Variants in ARPC1B observed in about 807,000 individuals in gnomAD.
ARPC1B encodes the protein actin related protein 2/3 complex subunit 1B.
A neutral mutation model predicts 46.0 loss-of-function variants in ARPC1B; 29 were observed. The ratio of observed to expected loss-of-function variants is 0.63; its 90% confidence interval spans 0.47 to 0.86. The LOEUF (loss-of-function observed/expected upper bound fraction) is 0.86, where lower values mean the gene tolerates loss of function less well. Ranked by LOEUF, ARPC1B falls within the 40% of genes least tolerant of loss-of-function variation. The pLI, the probability that ARPC1B is intolerant of heterozygous loss-of-function variation, is 0.00. For synonymous variants in ARPC1B, 201 were observed against 213.9 expected, an observed-to-expected ratio of 0.94 and a Z score of 0.53; for missense variants, 469 against 529.4, an observed-to-expected ratio of 0.89 and a Z score of 1.12.
chr7:99,375,040 T>C (rs1285305265), intron 1 of ARPC1B, among the ~76,000 whole-genome samples: 1 of 70,782 alleles, frequency 1.4e-5, no homozygotes, highest in Admixed American at 1.7e-4. Flanking sequence ...GAGGGAGCCC[T>C]GGGATTGGAG....
At chr7:99,381,833 CCA>C (rs1381801940) in intron 1 of ARPC1B, among the ~76,000 whole-genome samples, 1 of 152,208 alleles carries the variant, frequency 6.6e-6, no homozygotes, top group African/African-American at 2.4e-5. Context: ...GTGCCTGGGC[CCA>C]GATGCAGTGC....
chr7:99,391,385 G>A, intron 7 of ARPC1B, 132 bp downstream of exon 7: 1 of 960,848 alleles, frequency 1.0e-6, no homozygotes, highest in East Asian at 2.6e-5. Flanking sequence ...TCATGTACCA[G>A]AATTGGGCAG....
At position 99,394,396 on chromosome 7, in the gene ARPC1B, G is replaced by A. The variant is rs888292462; in HGVS notation, c.1081-55G>A. On this transcript the variant is annotated intron_variant, in intron 9 of 9. Transcript: ENST00000646101. Reference sequence around the variant, plus strand: ...GAGATGGGTGATCAGGTCCCTGGGAGTGGGGTGCCTGCAGGACAGCTGAGA... The same window carrying A: ...GAGATGGGTGATCAGGTCCCTGGGAATGGGGTGCCTGCAGGACAGCTGAGA... The A allele has an allele frequency of 6.2e-6, 9 of 1,461,092 alleles. No homozygotes were observed. In the South Asian group the frequency reaches 1.0e-4, roughly 17 times the overall value. The allele number at this position is 1,461,092 out of a possible 1,614,324, so 90.5% of individuals were successfully genotyped here.
At chr7:99,374,535 G>A (rs1793976362), upstream of ARPC1B, 1 of 152,182 alleles carries the variant, frequency 6.6e-6, no homozygotes, top group African/African-American at 2.4e-5. This position sits in a 1 kb window ranked among gnomAD's most constrained non-coding sequence, Gnocchi z 5.0. Context: ...GGTGGTTGCG[G>A]ACGGCTTCTG....
intron 4 of ARPC1B, 124 bp from the exon 5 acceptor site, chr7:99,389,781 C>A (rs905758679): frequency 1.2e-6 from 1 of 812,534 alleles, no homozygotes; most frequent in African/African-American, 1.7e-5. Context: ...AATGCCCAGT[C>A]GCCTCTCTCC....
chr7:99,374,983 G>A lies in ARPC1B; in HGVS notation c.-14+202G>A, dbSNP rs1793989735. On this transcript the variant is annotated intron_variant, in intron 1 of 9. Coordinates refer to ENST00000646101, the MANE Select transcript of ARPC1B (RefSeq NM_005720.4). This position sits in a 1 kb window ranked among gnomAD's most constrained non-coding sequence, Gnocchi z 5.0. Reference sequence around the variant, plus strand: ...AATAGGGGCACGGGGATGAGTGGGGGCACATGGAGAGGAGGGGGCGCGGGG... The same window carrying A: ...AATAGGGGCACGGGGATGAGTGGGGACACATGGAGAGGAGGGGGCGCGGGG... Among the ~76,000 whole-genome samples, 1 of 140,836 alleles carries A rather than the reference G, an allele frequency of 7.1e-6. No individual in the cohort carries two copies. Among genetic ancestry groups the A allele is most frequent in the Non-Finnish European group, 1.6e-5 (1 of 64,310 alleles). The allele number at this position is 140,836 out of a possible 152,430, so 92.4% of individuals were successfully genotyped here. A position where few individuals can be genotyped will look rare whatever the true frequency, so the allele number is the denominator to read the frequency against.
chr7:99,378,029 CTG>C (rs765993712), intron 1 of ARPC1B, among the ~76,000 whole-genome samples: 2 of 152,048 alleles, frequency 1.3e-5, no homozygotes, highest in Admixed American at 6.6e-5. Flanking sequence ...TTTTTCCACA[CTG>C]TCACCATTAT....
Position 99,392,835 on chromosome 7 carries a change from T to TGCGGGC in ARPC1B, c.955_960dup (p.Ala319_Gly320dup). The TGCGGGC allele has an allele frequency of 6.5e-7, 1 of 1,550,002 alleles. No individual in the cohort carries two copies. The highest frequency in any genetic ancestry group is 1.2e-5 in the South Asian group (1 of 84,070). ...AGGCGAGCTCCGAGGGTGGCACGGCTGCGGGCGCGGGCCTAGACTCGCTGC... is the reference window on the plus strand; with the variant it reads ...AGGCGAGCTCCGAGGGTGGCACGGCTGCGGGCGCGGGCGCGGGCCTAGACTCGCTGC... On this transcript the variant is annotated inframe_insertion, in exon 8 of 10. Transcript: ENST00000646101.
intron 8 of ARPC1B, 123 bp from the exon 9 acceptor site, chr7:99,393,906 C>G: frequency 2.2e-6 from 2 of 924,136 alleles, no homozygotes; most frequent in Non-Finnish European, 3.5e-6. Context: ...GCCCACTACA[C>G]CCCCTCGGTA....
intron 8 of ARPC1B, among the ~76,000 whole-genome samples, chr7:99,393,087 C>T (rs1794628199): frequency 6.6e-6 from 1 of 152,210 alleles, no homozygotes; most frequent in African/African-American, 2.4e-5. Context: ...GGGACGGGGC[C>T]GATTTGTGGG....
At chr7:99,385,373 G>A (rs1288698724) in intron 1 of ARPC1B, among the ~76,000 whole-genome samples, 1 of 151,422 alleles carries the variant, frequency 6.6e-6, no homozygotes, top group East Asian at 1.9e-4. Context: ...GGCCTGTCCA[G>A]CTTGGAGTCC....
chr7:99,391,519 A>G (rs747930478), intron 7 of ARPC1B, among the ~76,000 whole-genome samples: 2 of 151,796 alleles, frequency 1.3e-5, no homozygotes. Context: ...TTGAGGTGGA[A>G]GTATCACTGG....
intron 1 of ARPC1B, among the ~76,000 whole-genome samples, chr7:99,381,131 G>A (rs1179363730): frequency 1.3e-5 from 2 of 152,334 alleles, no homozygotes; most frequent in East Asian, 1.9e-4. Flanking sequence ...AGGGCGCTGA[G>A]ATGGTGCTTC....
rs1794407116 is a variant in ARPC1B at position 99,386,886 on chromosome 7, C to T, written c.169+97C>T. The T allele has an allele frequency of 4.5e-6, 4 of 898,764 alleles. No homozygotes were observed. The Admixed American group carries it at 6.4e-5, about 14-fold the overall frequency. The allele number at this position is 898,764 out of a possible 1,614,324, so 55.7% of individuals were successfully genotyped here. A position where few individuals can be genotyped will look rare whatever the true frequency, so the allele number is the denominator to read the frequency against. On this transcript the variant is annotated intron_variant, in intron 3 of 9. Coordinates refer to ENST00000646101, the MANE Select transcript of ARPC1B (RefSeq NM_005720.4). ...ATGGCCACTCATTGTGGAGCATCTG[C>T]CCACTCACCGTGAAACCCGGATTCA...
Position 99,390,019 on chromosome 7 carries a change from C to G in ARPC1B, c.500+7C>G. On this transcript the variant is annotated splice_region_variant and intron_variant, in intron 5 of 9. Coordinates refer to ENST00000646101, the MANE Select transcript of ARPC1B (RefSeq NM_005720.4). ...CCTGTGACTTCAAGTGTCGGTGAGA[C>G]AGGGCGCCATGGGGGAGGGCGGGGC... 1 of 1,612,700 alleles carries G rather than the reference C, an allele frequency of 6.2e-7. No homozygotes were observed. Among genetic ancestry groups the G allele is most frequent in the Admixed American group, 1.7e-5 (1 of 60,014 alleles).
At chr7:99,378,601 T>C (rs761714160) in intron 1 of ARPC1B, among the ~76,000 whole-genome samples, 43 of 151,054 alleles carry the variant, frequency 2.8e-4, no homozygotes, top group Non-Finnish European at 5.3e-4. Context: ...GAGAATTGCT[T>C]GAACCTGGGA....
intron 1 of ARPC1B, among the ~76,000 whole-genome samples, chr7:99,380,554 C>A (rs1312360999): frequency 6.6e-6 from 1 of 152,206 alleles, no homozygotes; most frequent in Non-Finnish European, 1.5e-5. Context: ...CTGTGGCCAT[C>A]TTTTCCAGCC....
chr7:99,393,984 G>C, intron 8 of ARPC1B, 45 bp from the exon 9 acceptor site: 1 of 1,597,104 alleles, frequency 6.3e-7, no homozygotes, highest in Non-Finnish European at 8.5e-7. Context: ...CCTGAGCCCA[G>C]CGCCAGCACA....
At chr7:99,376,325 A>G (rs1057090065) in intron 1 of ARPC1B, 1 of 152,236 alleles carries the variant, frequency 6.6e-6, no homozygotes, top group South Asian at 2.1e-4. Context: ...TATCTGGAAA[A>G]TGGGAACCTT....
Sources: gnomAD v4.1 joint callset for allele counts (sites outside exome capture counted in the v4.1 genomes callset) on GRCh38, gnomAD v4.1.1 for gene constraint, Gnocchi (gnomAD v3.1) non-coding constraint, MANE v1.5 for transcripts, NCBI Gene and HGNC (gene_info 2026-07-23, HGNC 2026-07-21) for gene names.